Variants in LONP1 observed in about 807,000 individuals in gnomAD.
LONP1 encodes lon protease homolog, mitochondrial.
Under a neutral mutation model 98.5 loss-of-function variants are expected in LONP1, and 31 were observed. The ratio of observed to expected loss-of-function variants is 0.31; its 90% CI spans 0.24 to 0.42. LONP1 has a LOEUF of 0.42. LONP1 is among the 20% of genes least tolerant of loss of function. The probability of loss-of-function intolerance (pLI) is 1.00; values close to 1 mark genes in which losing one functional copy is unlikely to be tolerated. For missense variants in LONP1, 1,336 were observed against 1,350.6 expected, an observed-to-expected ratio of 0.99 and a Z score of 0.17; for synonymous variants, 781 against 594.7, an observed-to-expected ratio of 1.31 and a Z score of -4.56.
rs560763261 is a variant in LONP1, at chr19:5,718,863, G to A, written c.429+841C>T. On this transcript the variant is annotated intron_variant, in intron 1 of 17. Transcript: ENST00000360614. ...TGAAATGATCTAATTTCTACCACCG[G>A]AATGACTTGTTCTCTACAGTATTCT... Among the ~76,000 whole-genome samples, 52 of 152,166 alleles carry A rather than the reference G, an allele frequency of 3.4e-4. 1 individual carries two copies. The South Asian group carries it at 0.01, about 30-fold the overall frequency.
At chr19:5,694,693 AGGTGGGGTGATCAGCGTGGGAT>A in intron 14 of LONP1, 46 bp downstream of exon 14, 1 of 1,559,304 alleles carries the variant, frequency 6.4e-7, no homozygotes, top group Admixed American at 1.7e-5. Context: ...GGGCATGGAA[AGGTGGGGTGATCAGCGTGGGAT>A]GGTGAGGTGG....
chr19:5,702,354 G>A (rs1316510304), intron 8 of LONP1, among the ~76,000 whole-genome samples: 2 of 146,234 alleles, frequency 1.4e-5, no homozygotes, highest in South Asian at 2.2e-4. Context: ...GGAGGGAGGT[G>A]GGGGGGTCAG....
chr19:5,704,219 C>T (rs980532017), intron 8 of LONP1, among the ~76,000 whole-genome samples: 1 of 152,188 alleles, frequency 6.6e-6, no homozygotes, highest in African/African-American at 2.4e-5. Context: ...CCTCCAGATA[C>T]TGGGAAAGGC....
At chr19:5,714,130 A>G in intron 2 of LONP1, 53 bp downstream of exon 2, 1 of 1,393,468 alleles carries the variant, frequency 7.2e-7, no homozygotes, top group Non-Finnish European at 1.0e-6. Context: ...ACTTGTGGTG[A>G]GCTGGACTCT....
chr19:5,700,438 T>C (rs181137636), intron 9 of LONP1, among the ~76,000 whole-genome samples: 9 of 152,106 alleles, frequency 5.9e-5, no homozygotes, highest in Admixed American at 5.9e-4. Flanking sequence ...TTTGTAGAGA[T>C]GGGGGTCTCA....
At chr19:5,699,279 G>T (rs2054998822) in intron 9 of LONP1, 74 bp from the exon 10 acceptor site, 1 of 1,231,728 alleles carries the variant, frequency 8.1e-7, no homozygotes, top group Non-Finnish European at 1.1e-6. Flanking sequence ...CTCGCCACCT[G>T]CACACTGCCT....
intron 6 of LONP1, 33 bp from the exon 7 acceptor site, chr19:5,707,176 A>G: frequency 6.3e-7 from 1 of 1,590,802 alleles, no homozygotes; most frequent in African/African-American, 1.3e-5. Context: ...AAGGATGAGC[A>G]GAAGTCGGCA....
intron 1 of LONP1, among the ~76,000 whole-genome samples, chr19:5,716,598 T>C (rs1185233974): frequency 6.6e-6 from 1 of 150,562 alleles, no homozygotes; most frequent in Non-Finnish European, 1.5e-5. Context: ...GTCAGTAACA[T>C]CTGACAGGAG....
intron 4 of LONP1, among the ~76,000 whole-genome samples, chr19:5,711,305 G>A (rs575577213): frequency 2.0e-5 from 3 of 152,382 alleles, no homozygotes; most frequent in East Asian, 3.9e-4. Flanking sequence ...GCACCGCCAA[G>A]AGCCTGCCCA....
chr19:5,701,122 T>C (rs1375972074), intron 8 of LONP1, among the ~76,000 whole-genome samples, 195 bp from the exon 9 acceptor site: 1 of 152,000 alleles, frequency 6.6e-6, no homozygotes, highest in African/African-American at 2.4e-5. Flanking sequence ...AAGACCAGCC[T>C]GAGCAACTCA....
At chr19:5,718,578 C>T (rs2055363005) in intron 1 of LONP1, among the ~76,000 whole-genome samples, 1 of 151,918 alleles carries the variant, frequency 6.6e-6, no homozygotes, top group African/African-American at 2.4e-5. Context: ...CCCTTCCCAA[C>T]AGATCCTTGA....
At chr19:5,699,700 G>A (rs143586958) in intron 9 of LONP1, among the ~76,000 whole-genome samples, 18 of 151,846 alleles carry the variant, frequency 1.2e-4, no homozygotes, top group Non-Finnish European at 2.4e-4. Context: ...TGGGATTACA[G>A]GTGTGAGTCA....
At chr19:5,698,933 T>G in intron 10 of LONP1, 94 bp downstream of exon 10, 1 of 1,313,042 alleles carries the variant, frequency 7.6e-7, no homozygotes, top group Non-Finnish European at 1.0e-6. Flanking sequence ...CAACCCGGAT[T>G]GCTCTACCAG....
rs535841547 is a variant in LONP1 at position 5,703,963 on chromosome 19, A to C, written c.1367+1809T>G. 5.3e-5 allele frequency among the ~76,000 whole-genome samples: 8 copies of C among 152,306 alleles called. No individual in the cohort carries two copies. The East Asian group carries it at 1.4e-3, about 26-fold the overall frequency. On this transcript the variant is annotated intron_variant, in intron 8 of 17. Coordinates refer to ENST00000360614, the MANE Select transcript of LONP1 (RefSeq NM_004793.4). ...TGAGGCACTCGCTGGGAGACAGAAG[A>C]ACCCCGAAAACATCTACGTTCTCCC...
chr19:5,701,601 G>A (rs760904347), intron 8 of LONP1, among the ~76,000 whole-genome samples: 114 of 152,352 alleles, frequency 7.5e-4, no homozygotes, highest in Non-Finnish European at 1.1e-3. Context: ...CCGAGGTGCC[G>A]GGATTGCAGA....
rs550812887 is a variant in LONP1 at position 5,696,599 on chromosome 19, C to G, written c.1773+71G>C. ...TGAGTTGGCTCGGGGATCCTAGGAC[C>G]CGGAAGGCTCGGCTTCATCTTGCAC... On this transcript the variant is annotated intron_variant, in intron 11 of 17. Transcript: ENST00000360614. The G allele has an allele frequency of 1.0e-4, 157 of 1,502,728 alleles. 1 individual carries two copies. The East Asian group carries it at 2.4e-3, about 23-fold the overall frequency. The allele number at this position is 1,502,728 out of a possible 1,614,324, so 93.1% of individuals were successfully genotyped here. A position where few individuals can be genotyped will look rare whatever the true frequency, so the allele number is the denominator to read the frequency against.
In LONP1 at chr19:5,696,428, GTGGGGAGACCCCAGGGTCAGGGC is replaced by G. The variant is rs565833271; in HGVS notation, c.1774-80_1774-58del. ...GCCGTGCCCCTGGCCAGCCCGCCCA[GTGGGGAGACCCCAGGGTCAGGGC>G]TGGGGAGACCCCGAGTGAGAGCGGC... is the stretch of plus-strand genomic sequence containing the variant. On this transcript the variant is annotated intron_variant, in intron 11 of 17. Transcript: ENST00000360614. 2.9e-4 allele frequency: 455 copies of G among 1,590,856 alleles called. 1 individual carries two copies. Among genetic ancestry groups the G allele is most frequent in the South Asian group, 1.6e-3 (140 of 87,938 alleles).
chr19:5,701,976 G>A (rs78735685), intron 8 of LONP1, among the ~76,000 whole-genome samples: 30,866 of 150,006 alleles, frequency 0.21, 3,379 homozygotes, highest in Middle Eastern at 0.33. Flanking sequence ...GTCTCTGCCC[G>A]GCAGCCCTGA....
At position 5,699,205 on chromosome 19, in the gene LONP1, C is replaced by G; in HGVS notation, c.1507G>C (p.Glu503Gln). The G allele has an allele frequency of 1.3e-6, 2 of 1,494,764 alleles. No homozygotes were observed. The highest frequency in any genetic ancestry group is 1.8e-6 in the Non-Finnish European group (2 of 1,116,656). The allele number at this position is 1,494,764 out of a possible 1,614,324, so 92.6% of individuals were successfully genotyped here. A position where few individuals can be genotyped will look rare whatever the true frequency, so the allele number is the denominator to read the frequency against. The change falls in exon 10 of 18, where the codon GAG becomes CAG. Residue 503 changes from glutamate (E) to glutamine (Q), a missense_variant and splice_region_variant. Glu to Gln is a conservative substitution (Grantham distance 29, BLOSUM62 2). Coordinates refer to ENST00000360614, the MANE Select transcript of LONP1 (RefSeq NM_004793.4). ...GMEDVKKRIL[E>Q]FIAVSQLRGS... ...CGGAGCTGGCTAACGGCAATGAACTCCTGCAGACAGAGGCAGGTTCAGTGG... is the reference window on the plus strand; with the variant it reads ...CGGAGCTGGCTAACGGCAATGAACTGCTGCAGACAGAGGCAGGTTCAGTGG...
Sources: gnomAD v4.1 joint callset for allele counts (sites outside exome capture counted in the v4.1 genomes callset) on GRCh38, gnomAD v4.1.1 for gene constraint, MANE v1.5 for transcripts, NCBI Gene and HGNC (gene_info 2026-07-23, HGNC 2026-07-21) for gene names.